Variants in DIAPH2 observed in about 807,000 individuals in gnomAD.
DIAPH2 encodes diaphanous related formin 2.
A neutral mutation model predicts 92.7 loss-of-function variants in DIAPH2; 35 were observed. The observed-to-expected ratio is 0.38, with a 90% CI of 0.29 to 0.50. DIAPH2 has a LOEUF of 0.50. Among genes scored for constraint, DIAPH2 ranks in the 20% least tolerant of loss-of-function variants. DIAPH2 has a pLI of 0.94. For missense variants in DIAPH2, 701 were observed against 819.5 expected (o/e 0.86, Z 1.77); for synonymous variants, 301 against 280.4 (o/e 1.07, Z -0.73).
At chrX:96,905,987 G>A (rs1016259576) in intron 5 of DIAPH2, among the ~76,000 whole-genome samples, 4 of 111,983 alleles carry the variant, frequency 3.6e-5, no homozygotes, top group African/African-American at 1.3e-4. Flanking sequence ...AAATTAGCCG[G>A]GTGTGGCGGC....
intron 26 of DIAPH2, among the ~76,000 whole-genome samples, chrX:97,430,370 C>G (rs1163182398): frequency 2.7e-5 from 3 of 112,604 alleles, no homozygotes; most frequent in Admixed American, 1.9e-4. Context: ...GGAAAGTTGT[C>G]TACTTTCTCT....
chrX:96,728,124 TAAGAC>T (rs748412094), intron 1 of DIAPH2, among the ~76,000 whole-genome samples: 1 of 110,802 alleles, frequency 9.0e-6, no homozygotes, highest in East Asian at 2.8e-4. Context: ...GCTGTCAAGA[TAAGAC>T]AGGAGGATAG....
At chrX:96,725,043 G>A (rs1378603042) in intron 1 of DIAPH2, among the ~76,000 whole-genome samples, 2 of 111,734 alleles carry the variant, frequency 1.8e-5, no homozygotes, top group South Asian at 3.7e-4. Context: ...AGAGTCCGTC[G>A]TGAGAAACAC....
chrX:96,875,822 C>G (rs1468882221), intron 4 of DIAPH2, among the ~76,000 whole-genome samples: 3 of 110,993 alleles, frequency 2.7e-5, no homozygotes, highest in Non-Finnish European at 3.8e-5. Flanking sequence ...AGAAGAAAAC[C>G]TAGGCAATAC....
chrX:97,548,616 A>ACAT (rs945143668), intron 26 of DIAPH2, among the ~76,000 whole-genome samples: 44 of 112,396 alleles, frequency 3.9e-4, no homozygotes, highest in African/African-American at 1.4e-3. Context: ...TGCAAAGTTC[A>ACAT]CATTGCCTTT....
At chrX:97,021,577 C>A (rs1157283678) in intron 17 of DIAPH2, among the ~76,000 whole-genome samples, 1 of 110,723 alleles carries the variant, frequency 9.0e-6, no homozygotes, top group Non-Finnish European at 1.9e-5. Context: ...AAAGACTCTC[C>A]TAAAGAGCAA....
intron 1 of DIAPH2, among the ~76,000 whole-genome samples, chrX:96,688,696 T>C (rs1245491759): frequency 1.8e-5 from 2 of 112,482 alleles, no homozygotes; most frequent in Admixed American, 9.4e-5. Context: ...ACAGGTTTAC[T>C]GAGTACCTAC....
chrX:97,447,171 T>C (rs1363375926), intron 26 of DIAPH2, among the ~76,000 whole-genome samples: 1 of 111,601 alleles, frequency 9.0e-6, no homozygotes, highest in East Asian at 2.8e-4. Flanking sequence ...GGTTTTCTTT[T>C]TCTTTTTTTT....
chrX:97,278,402 T>C (rs1171170708), intron 23 of DIAPH2, among the ~76,000 whole-genome samples: 1 of 111,483 alleles, frequency 9.0e-6, no homozygotes, highest in African/African-American at 3.3e-5. Flanking sequence ...TTTTGACAAA[T>C]GTATGTCATG....
At chrX:97,418,920 C>G (rs1370704240) in intron 25 of DIAPH2, among the ~76,000 whole-genome samples, 1 of 111,581 alleles carries the variant, frequency 9.0e-6, no homozygotes, top group African/African-American at 3.3e-5. Flanking sequence ...TTGGCTTTGG[C>G]TCTCCAAAAT....
chrX:96,884,947 C>T (rs2065249315), intron 5 of DIAPH2: 1 of 1,211,174 alleles, frequency 8.3e-7, no homozygotes, highest in Non-Finnish European at 1.1e-6. Context: ...TCATGAGTGT[C>T]CTCATCAGGA....
At chrX:97,097,829 G>T (rs2066879572) in intron 19 of DIAPH2, among the ~76,000 whole-genome samples, 1 of 109,832 alleles carries the variant, frequency 9.1e-6, no homozygotes, top group African/African-American at 3.4e-5. Flanking sequence ...TAATTTCCAT[G>T]CATCAAAAAT....
intron 26 of DIAPH2, among the ~76,000 whole-genome samples, chrX:97,583,442 G>A (rs1224465200): frequency 1.3e-4 from 14 of 111,041 alleles, no homozygotes; most frequent in Non-Finnish European, 5.7e-5. Context: ...AGTGTGAGGT[G>A]TCAGTGTGCC....
At chrX:97,175,571 C>A (rs929582008) in intron 22 of DIAPH2, among the ~76,000 whole-genome samples, 1 of 111,818 alleles carries the variant, frequency 8.9e-6, no homozygotes, top group African/African-American at 3.2e-5. Flanking sequence ...CAGAATGGGG[C>A]CTGAATGGCA....
intron 17 of DIAPH2, among the ~76,000 whole-genome samples, chrX:96,998,245 T>A (rs915312631): frequency 1.8e-5 from 2 of 111,750 alleles, no homozygotes; most frequent in Non-Finnish European, 3.8e-5. Flanking sequence ...TCTGTGGCAT[T>A]TTTTAGGATA....
At chrX:97,054,524 G>A (rs1422723875) in intron 17 of DIAPH2, among the ~76,000 whole-genome samples, 1 of 111,472 alleles carries the variant, frequency 9.0e-6, no homozygotes, top group East Asian at 2.8e-4. Context: ...GTTCAGGAAG[G>A]CATCTCAAAG....
At chrX:97,339,556 T>C (rs780432204) in intron 23 of DIAPH2, among the ~76,000 whole-genome samples, 80 of 111,656 alleles carry the variant, frequency 7.2e-4, no homozygotes, top group Non-Finnish European at 1.4e-3. Flanking sequence ...GTGGGACTTA[T>C]GATAAATGTT....
chrX:97,166,903 A>G (rs901549493), intron 22 of DIAPH2, among the ~76,000 whole-genome samples: 1 of 112,132 alleles, frequency 8.9e-6, no homozygotes, highest in South Asian at 3.7e-4. Flanking sequence ...TAAATAATCT[A>G]TTGTCTACTT....
chrX:96,984,124 A>G (rs1389334084), intron 17 of DIAPH2, among the ~76,000 whole-genome samples: 1 of 111,926 alleles, frequency 8.9e-6, no homozygotes, highest in African/African-American at 3.2e-5. Flanking sequence ...AGAGGGGAAC[A>G]AATGTACAGA....
Sources: gnomAD v4.1 joint callset for allele counts (sites outside exome capture counted in the v4.1 genomes callset) on GRCh38, gnomAD v4.1.1 for gene constraint, MANE v1.5 for transcripts, NCBI Gene and HGNC (gene_info 2026-07-23, HGNC 2026-07-21) for gene names.